The following TSC22D1 variants were observed in gnomAD, a reference collection of about 807,000 sequenced individuals.
TSC22D1 encodes the protein TSC22 domain family protein 1.
A neutral mutation model predicts 74.2 loss-of-function variants in TSC22D1; 9 were observed. The ratio of observed to expected loss-of-function variants is 0.12; its 90% confidence interval spans 0.07 to 0.21. The LOEUF is 0.21. TSC22D1 is among the 10% of genes least tolerant of loss of function. The pLI is 1.00. For missense variants in TSC22D1, 1,427 were observed against 1,304.7 expected, an observed-to-expected ratio of 1.09 and a Z score of -1.44; for synonymous variants, 586 against 492.5, an observed-to-expected ratio of 1.19 and a Z score of -2.51.
chr13:44,575,420 G>T lies in TSC22D1; in HGVS notation c.655C>A (p.His219Asn), dbSNP rs1413615083. The change falls in exon 1 of 3, where the codon CAC becomes AAC. Residue 219 changes from histidine (H) to asparagine (N), a missense_variant. Physicochemically the swap from His to Asn is moderately conservative, Grantham distance 68. Transcript: ENST00000458659. ...VVINGNAHPH[H>N]LHHHHQIHHG... ...TGAATCTGATGGTGGTGATGGAGGT[G>T]GTGTGGATGAGCATTCCCATTGATC... The T allele has an allele frequency of 6.2e-7, 1 of 1,614,026 alleles. No individual in the cohort carries two copies. Among genetic ancestry groups the T allele is most frequent in the East Asian group, 2.2e-5 (1 of 44,876 alleles).
intron 1 of TSC22D1, among the ~76,000 whole-genome samples, chr13:44,572,862 A>G (rs1437364360): frequency 6.6e-6 from 1 of 152,254 alleles, no homozygotes; most frequent in Admixed American, 6.5e-5. Context: ...TAAGCTTTCC[A>G]TAATATTTCT....
chr13:44,477,362 G>A (rs1877966603), intron 1 of TSC22D1, among the ~76,000 whole-genome samples: 1 of 152,160 alleles, frequency 6.6e-6, no homozygotes, highest in Non-Finnish European at 1.5e-5. Context: ...GATCTTCCCA[G>A]ATGGAATATA....
chr13:44,555,010 T>C (rs189744622), intron 1 of TSC22D1, among the ~76,000 whole-genome samples: 108 of 152,250 alleles, frequency 7.1e-4, no homozygotes, highest in African/African-American at 2.5e-3. Context: ...GTCCACTTGT[T>C]AGAAGCTTTT....
At chr13:44,446,941 A>G (rs868597077) in intron 1 of TSC22D1, among the ~76,000 whole-genome samples, 3 of 152,130 alleles carry the variant, frequency 2.0e-5, no homozygotes, top group Non-Finnish European at 4.4e-5. Context: ...TAAAAAACAC[A>G]TAAAATTTAC....
intron 1 of TSC22D1, among the ~76,000 whole-genome samples, chr13:44,560,832 C>T (rs532004839): frequency 6.6e-6 from 1 of 152,288 alleles, no homozygotes; most frequent in Non-Finnish European, 1.5e-5. Context: ...AGCAAATATT[C>T]AATATCCTAT....
At chr13:44,488,622 T>C (rs1878561140) in intron 1 of TSC22D1, among the ~76,000 whole-genome samples, 2 of 152,188 alleles carry the variant, frequency 1.3e-5, no homozygotes, top group South Asian at 2.1e-4. Flanking sequence ...TATGGTTATC[T>C]ACACAGAAAA....
intron 1 of TSC22D1, among the ~76,000 whole-genome samples, chr13:44,459,005 C>T (rs1054630074): frequency 6.6e-6 from 1 of 152,314 alleles, no homozygotes; most frequent in Middle Eastern, 3.4e-3. Context: ...CCTAGTGAAA[C>T]CCCACTTTCA....
At chr13:44,454,168 T>TA (rs907838099) in intron 1 of TSC22D1, among the ~76,000 whole-genome samples, 10 of 152,062 alleles carry the variant, frequency 6.6e-5, no homozygotes, top group African/African-American at 2.2e-4. Context: ...GAGTTAATTC[T>TA]AAAAAAACTT....
chr13:44,532,843 A>G (rs948177546), intron 1 of TSC22D1, among the ~76,000 whole-genome samples: 13 of 152,134 alleles, frequency 8.5e-5, no homozygotes, highest in Admixed American at 7.9e-4. Flanking sequence ...GGGATACTTA[A>G]TATGTAGAAG....
At chr13:44,496,676 A>T (rs1232342618) in intron 1 of TSC22D1, among the ~76,000 whole-genome samples, 1 of 149,774 alleles carries the variant, frequency 6.7e-6, no homozygotes, top group Non-Finnish European at 1.5e-5. Flanking sequence ...CAAAAGCGAG[A>T]CTCTGTCTCA....
At chr13:44,555,264 A>AT (rs953893769) in intron 1 of TSC22D1, among the ~76,000 whole-genome samples, 22 of 148,892 alleles carry the variant, frequency 1.5e-4, no homozygotes, top group Admixed American at 2.7e-4. Flanking sequence ...GCCCTTGTGA[A>AT]TTTTTTTTTT....
rs545767923 is a variant in TSC22D1 at position 44,455,354 on chromosome 13, G to A, written c.2913-19259C>T. ...GCATGATGCATCATAGGACTGCGCA[G>A]TAACCAATGTATGATACAAGAGATC... On this transcript the variant is annotated intron_variant, in intron 1 of 2. Transcript: ENST00000458659. 4.6e-5 allele frequency among the ~76,000 whole-genome samples: 7 copies of A among 152,322 alleles called. No homozygotes were observed. The South Asian group carries it at 1.4e-3, about 32-fold the overall frequency.
chr13:44,530,212 C>T (rs77605614), intron 1 of TSC22D1, among the ~76,000 whole-genome samples: 3,455 of 152,138 alleles, frequency 0.023, 117 homozygotes, highest in African/African-American at 0.076. Flanking sequence ...AAGAAAAGAT[C>T]AGTGGAATGG....
At chr13:44,538,597 A>G (rs1881288974) in intron 1 of TSC22D1, 1 of 985,312 alleles carries the variant, frequency 1.0e-6, no homozygotes, top group South Asian at 4.7e-5. Flanking sequence ...TTCTGAATAG[A>G]AAGAAATATT....
intron 1 of TSC22D1, among the ~76,000 whole-genome samples, chr13:44,508,979 A>C (rs978609436): frequency 9.2e-5 from 14 of 152,238 alleles, no homozygotes; most frequent in Non-Finnish European, 2.1e-4. Context: ...GTGGCAGATA[A>C]GCAACAATCT....
At chr13:44,444,013 G>A (rs1227821573) in intron 1 of TSC22D1, among the ~76,000 whole-genome samples, 1 of 152,032 alleles carries the variant, frequency 6.6e-6, no homozygotes, top group African/African-American at 2.4e-5. Flanking sequence ...TAGGCTGGGC[G>A]TGGTGGCTCA....
intron 1 of TSC22D1, among the ~76,000 whole-genome samples, chr13:44,543,979 C>A (rs1595151210): frequency 6.6e-6 from 1 of 151,936 alleles, no homozygotes; most frequent in Non-Finnish European, 1.5e-5. Context: ...TGTAGTCCCA[C>A]CTACTCGGGA....
Position 44,573,890 on chromosome 13 carries a change from T to C in TSC22D1, c.2185A>G (p.Ile729Val), listed in dbSNP as rs546013322. The part of the protein sequence containing the change: ...AVSAVPTGSQ[I>V]ANIGQQANIP... ...TTTGCTTGCTGACCAATATTTGCAA[T>C]CTGACTGCCAGTAGGTACAGCAGAC... The change falls in exon 1 of 3, where the codon ATT becomes GTT. Residue 729 changes from isoleucine (I) to valine (V), a missense_variant. Ile to Val is a conservative substitution (Grantham distance 29, BLOSUM62 3). Around this residue, in one of 3 missense-constraint regions of TSC22D1, gnomAD observed 1,343 missense variants for 1,191.5 expected, o/e 1.13. Transcript: ENST00000458659. The C allele has an allele frequency of 7.6e-5, 122 of 1,614,162 alleles. 1 individual carries two copies. The South Asian group carries it at 1.3e-3, about 17-fold the overall frequency.
intron 1 of TSC22D1, among the ~76,000 whole-genome samples, chr13:44,517,853 A>ATTTTT (rs1438542551): frequency 3.1e-3 from 72 of 23,262 alleles, no homozygotes; most frequent in Non-Finnish European, 7.2e-3. Context: ...ATATATATAT[A>ATTTTT]TATATTTTTT....
Sources: allele counts gnomAD v4.1 joint callset (sites outside exome capture counted in the v4.1 genomes callset), GRCh38; gene constraint gnomAD v4.1.1; regional missense constraint gnomAD v4.1.1; transcripts MANE v1.5; gene names NCBI Gene and HGNC (gene_info 2026-07-23, HGNC 2026-07-21).